Variants in HDAC4 observed in about 807,000 individuals in gnomAD.
HDAC4 encodes histone deacetylase 4.
In HDAC4, 16 loss-of-function variants were observed where a neutral mutation model predicts 135.1. The ratio of observed to expected loss-of-function variants is 0.12; its 90% CI spans 0.08 to 0.18. The LOEUF (loss-of-function observed/expected upper bound fraction) is 0.18. Ranked by LOEUF, HDAC4 falls within the 10% of genes least tolerant of loss-of-function variation. HDAC4 has a pLI of 1.00. For missense variants in HDAC4, 1,143 were observed against 1,511.8 expected, an observed-to-expected ratio of 0.76 and a Z score of 4.05; for synonymous variants, 685 against 653.4, an observed-to-expected ratio of 1.05 and a Z score of -0.74.
intron 5 of HDAC4, among the ~76,000 whole-genome samples, chr2:239,170,916 A>T (rs3791531): frequency 0.012 from 1,803 of 152,314 alleles, 92 homozygotes; most frequent in Admixed American, 0.088. Flanking sequence ...CCTCAAAGGG[A>T]TATGCCTTAT....
chr2:239,067,241 C>A (rs1574889457), intron 23 of HDAC4, among the ~76,000 whole-genome samples: 1 of 152,160 alleles, frequency 6.6e-6, no homozygotes, highest in African/African-American at 2.4e-5. Context: ...TATGTGTACA[C>A]ATGTGCACAG....
chr2:239,340,839 T>C (rs896796815), intron 2 of HDAC4, among the ~76,000 whole-genome samples: 1 of 152,114 alleles, frequency 6.6e-6, no homozygotes, highest in Non-Finnish European at 1.5e-5. Flanking sequence ...AGACCAAGGA[T>C]GAGAAGCCCA....
At chr2:239,192,867 A>G (rs1172528639) in intron 3 of HDAC4, among the ~76,000 whole-genome samples, 2 of 152,238 alleles carry the variant, frequency 1.3e-5, no homozygotes, top group Non-Finnish European at 2.9e-5. Flanking sequence ...TGTATAATGT[A>G]GAAGAACAAA....
At chr2:239,318,246 G>A (rs752221475) in intron 2 of HDAC4, among the ~76,000 whole-genome samples, 1 of 152,176 alleles carries the variant, frequency 6.6e-6, no homozygotes, top group African/African-American at 2.4e-5. Context: ...GAGAGCTTCC[G>A]GGCAGCATCA....
intron 2 of HDAC4, among the ~76,000 whole-genome samples, chr2:239,337,582 C>T (rs915047207): frequency 6.6e-6 from 1 of 152,156 alleles, no homozygotes; most frequent in South Asian, 2.1e-4. Flanking sequence ...GTCAGATGGC[C>T]GCTGCTGGGT....
chr2:239,289,243 G>C (rs2051318415), intron 2 of HDAC4, among the ~76,000 whole-genome samples: 1 of 152,184 alleles, frequency 6.6e-6, no homozygotes, highest in African/African-American at 2.4e-5. Flanking sequence ...AAGACAAAAC[G>C]TCAAAGGCCT....
At chr2:239,292,337 C>A (rs1396678105) in intron 2 of HDAC4, among the ~76,000 whole-genome samples, 1 of 152,212 alleles carries the variant, frequency 6.6e-6, no homozygotes, top group Non-Finnish European at 1.5e-5. Context: ...TCTCTGCGTT[C>A]GAGGATAAAC....
rs746827249 is a variant in HDAC4 at position 239,115,108 on chromosome 2, C to T, written c.1736G>A (p.Arg579Gln). The change falls in exon 13 of 27, where the codon CGG (arginine) becomes CAG (glutamine). Residue 579 changes from arginine to glutamine, a missense_variant. By Grantham distance (43) the Arg-to-Gln change is conservative (BLOSUM62 1). Transcript: ENST00000543185. The surrounding 1 kb of genome is among the most constrained non-coding windows in gnomAD (Gnocchi z 6.3). ...ESDEEEAEPPREVEPGQRQPS... is the reference protein window; with the variant it reads ...ESDEEEAEPPQEVEPGQRQPS... ...CTGGCGCTGGCCCGGCTCCACCTCCCGTGGGGGCTCTGCCTCTTCCTCATC... is the reference window on the plus strand; with the variant it reads ...CTGGCGCTGGCCCGGCTCCACCTCCTGTGGGGGCTCTGCCTCTTCCTCATC... 32 of 1,611,706 alleles carry T rather than the reference C, an allele frequency of 2.0e-5. No homozygotes were observed. The highest frequency in any genetic ancestry group is 1.6e-4 in the Middle Eastern group (1 of 6,084).
intron 2 of HDAC4, among the ~76,000 whole-genome samples, chr2:239,260,511 C>G (rs1028099615): frequency 6.6e-6 from 1 of 152,122 alleles, no homozygotes; most frequent in African/African-American, 2.4e-5. Flanking sequence ...GTACAGAATG[C>G]CCCAAACCGG....
At chr2:239,125,600 G>A (rs539264942) in intron 12 of HDAC4, among the ~76,000 whole-genome samples, 4 of 152,204 alleles carry the variant, frequency 2.6e-5, no homozygotes, top group African/African-American at 9.7e-5. Flanking sequence ...CAGAGCTGTG[G>A]GGCCATGTGG....
intron 5 of HDAC4, among the ~76,000 whole-genome samples, chr2:239,174,284 G>T (rs1413452172): frequency 1.3e-5 from 2 of 152,096 alleles, no homozygotes; most frequent in Non-Finnish European, 2.9e-5. Flanking sequence ...AACTGGCCAA[G>T]GGTTGATTCC....
chr2:239,267,702 T>C (rs145174855), intron 2 of HDAC4, among the ~76,000 whole-genome samples: 15 of 152,376 alleles, frequency 9.8e-5, no homozygotes, highest in East Asian at 1.9e-4. Flanking sequence ...TACACGGCAA[T>C]GGGGACTCAA....
rs1269926073 is a variant in HDAC4 at position 239,049,136 on chromosome 2, T to G, written c.*3961A>C. ...AATACAATAAACTCTATTATTGGTA[T>G]GTCACAAGTGCTAGATAAACTTTTT... On this transcript the variant is annotated 3_prime_UTR_variant, in exon 27 of 27. Transcript: ENST00000543185. 3 of 152,402 alleles carry G rather than the reference T, an allele frequency of 2.0e-5. No homozygotes were observed. The highest frequency in any genetic ancestry group is 4.4e-5 in the Non-Finnish European group (3 of 68,048). The allele number at this position is 152,402 out of a possible 1,614,324, so 9.4% of individuals were successfully genotyped here.
intron 24 of HDAC4, among the ~76,000 whole-genome samples, chr2:239,061,707 G>A (rs893525114): frequency 6.6e-6 from 1 of 152,184 alleles, no homozygotes; most frequent in African/African-American, 2.4e-5. Flanking sequence ...CTTGGTTTTC[G>A]TTACTTTGTT....
intron 2 of HDAC4, among the ~76,000 whole-genome samples, chr2:239,251,908 C>A (rs951931033): frequency 3.9e-5 from 6 of 152,162 alleles, no homozygotes; most frequent in African/African-American, 1.2e-4. Flanking sequence ...CCCTACACAT[C>A]ACAACCTCCC....
At chr2:239,248,389 G>A (rs2048590904) in intron 2 of HDAC4, among the ~76,000 whole-genome samples, 1 of 152,048 alleles carries the variant, frequency 6.6e-6, no homozygotes, top group African/African-American at 2.4e-5. Context: ...CACCGTGTTA[G>A]CCAGGATGGT....
intron 1 of HDAC4, among the ~76,000 whole-genome samples, chr2:239,379,231 T>C (rs1022049326): frequency 1.3e-5 from 2 of 149,798 alleles, no homozygotes; most frequent in African/African-American, 4.9e-5. Flanking sequence ...GCGCTGGGGG[T>C]GGAGAGGAAG....
intron 3 of HDAC4, among the ~76,000 whole-genome samples, chr2:239,211,161 T>A (rs1349802542): frequency 6.6e-6 from 1 of 152,222 alleles, no homozygotes; most frequent in African/African-American, 2.4e-5. Flanking sequence ...ACAAAAAGAT[T>A]CACTTACATT....
At chr2:239,094,034 A>G (rs2036758750) in intron 17 of HDAC4, 14 of 985,338 alleles carry the variant, frequency 1.4e-5, no homozygotes, top group Non-Finnish European at 1.4e-5. Context: ...TTTCATTTCC[A>G]TAACAGAATC....
Sources: allele counts gnomAD v4.1 joint callset (sites outside exome capture counted in the v4.1 genomes callset), GRCh38; gene constraint gnomAD v4.1.1; non-coding constraint Gnocchi (gnomAD v3.1); transcripts MANE v1.5; gene names NCBI Gene and HGNC (gene_info 2026-07-23, HGNC 2026-07-21).